Variants in EPB41 observed in about 807,000 individuals in gnomAD.
The protein encoded by EPB41 is erythrocyte membrane protein band 4.1.
A neutral mutation model predicts 108.0 loss-of-function variants in EPB41; 65 were observed. That is an observed-to-expected ratio of 0.60 (90% CI 0.49 to 0.74). EPB41 has a LOEUF of 0.74. EPB41 is among the 30% of genes least tolerant of loss of function. EPB41 has a pLI of 0.00. For missense variants in EPB41, 875 were observed against 1,037.0 expected (o/e 0.84, Z 2.15); for synonymous variants, 336 against 358.9 (o/e 0.94, Z 0.72).
intron 4 of EPB41, among the ~76,000 whole-genome samples, chr1:29,005,544 A>G (rs899958383): frequency 3.3e-5 from 5 of 152,228 alleles, no homozygotes; most frequent in Admixed American, 1.3e-4. Flanking sequence ...ATAAACATTT[A>G]TTATTCAAAT....
At position 29,098,038 on chromosome 1, in the gene EPB41, T is replaced by C. The variant is rs1307198348; in HGVS notation, c.2313+103T>C. On this transcript the variant is annotated intron_variant, in intron 17 of 20. Transcript: ENST00000343067. ...TTTATCGCCAAGAATACCAGGTTTT[T>C]CTGGGGCAGTTCTTTTTAGAAGAGA... 3.3e-6 allele frequency: 5 copies of C among 1,520,792 alleles called. No individual in the cohort carries two copies. The African/African-American group carries it at 6.9e-5, about 21-fold the overall frequency. The allele number at this position is 1,520,792 out of a possible 1,614,324, so 94.2% of individuals were successfully genotyped here.
chr1:28,974,175 T>C (rs1037118477), intron 1 of EPB41, among the ~76,000 whole-genome samples: 2 of 152,208 alleles, frequency 1.3e-5, no homozygotes, highest in African/African-American at 4.8e-5. Context: ...TAAGATGCAA[T>C]ATAAATACTG....
chr1:29,021,742 C>T (rs2096649000), intron 7 of EPB41, among the ~76,000 whole-genome samples: 1 of 152,088 alleles, frequency 6.6e-6, no homozygotes, highest in Non-Finnish European at 1.5e-5. Context: ...GCCACCACGC[C>T]TAGCTAATTT....
At chr1:29,071,365 C>G (rs1004588620) in intron 16 of EPB41, 1 of 152,216 alleles carries the variant, frequency 6.6e-6, no homozygotes, top group Non-Finnish European at 1.5e-5. Context: ...CTGAAATTCT[C>G]AGACTACTCT....
intron 1 of EPB41, among the ~76,000 whole-genome samples, chr1:28,986,758 C>T (rs1396827220): frequency 1.3e-5 from 2 of 151,610 alleles, no homozygotes; most frequent in African/African-American, 4.9e-5. Context: ...AGCAAGACCC[C>T]ATTCTCCACA....
intron 1 of EPB41, chr1:28,889,716 G>T: frequency 1.5e-6 from 1 of 670,562 alleles, no homozygotes; most frequent in Non-Finnish European, 1.8e-6. Flanking sequence ...CTGGGGTGGT[G>T]GGAGTGAGGA....
At chr1:28,931,262 G>A (rs1046295438) in intron 1 of EPB41, among the ~76,000 whole-genome samples, 6 of 151,386 alleles carry the variant, frequency 4.0e-5, no homozygotes, top group African/African-American at 1.5e-4. Flanking sequence ...ATGGGACGTG[G>A]TGGCATGTAC....
chr1:29,016,336 C>G (rs6702588), intron 6 of EPB41, among the ~76,000 whole-genome samples: 8,594 of 146,554 alleles, frequency 0.059, 395 homozygotes, highest in Non-Finnish European at 0.086. Context: ...CCACCACGCC[C>G]TGCTAATTTT....
intron 16 of EPB41, among the ~76,000 whole-genome samples, chr1:29,088,521 G>A (rs1660072962): frequency 6.6e-6 from 1 of 152,198 alleles, no homozygotes; most frequent in Non-Finnish European, 1.5e-5. Context: ...GGCTAATTTG[G>A]TATGTGCAGT....
intron 4 of EPB41, among the ~76,000 whole-genome samples, chr1:29,011,185 C>G (rs2096495391): frequency 6.7e-6 from 1 of 148,424 alleles, no homozygotes. Flanking sequence ...ACATGTTTGG[C>G]AAAACCCCAT....
chr1:28,997,079 G>A, intron 3 of EPB41, 136 bp from the exon 4 acceptor site: 1 of 715,262 alleles, frequency 1.4e-6, no homozygotes. Flanking sequence ...TTGAGCCCAG[G>A]AGGTTGAGGC....
At chr1:28,983,450 C>T (rs903788438) in intron 1 of EPB41, among the ~76,000 whole-genome samples, 1 of 152,036 alleles carries the variant, frequency 6.6e-6, no homozygotes, top group Non-Finnish European at 1.5e-5. Context: ...GCATTGGCAA[C>T]ATCTTATTAG....
chr1:28,976,375 G>C (rs1455535707), intron 1 of EPB41, among the ~76,000 whole-genome samples: 28 of 152,080 alleles, frequency 1.8e-4, no homozygotes, highest in Admixed American at 1.8e-3. Context: ...ATTTTTGAGA[G>C]ATAGGGTTTC....
At chr1:28,923,113 T>G (rs1208831455) in intron 1 of EPB41, among the ~76,000 whole-genome samples, 2 of 137,830 alleles carry the variant, frequency 1.5e-5, no homozygotes, top group Non-Finnish European at 3.1e-5. Context: ...TTTCTTTTCT[T>G]TTTTTTTTTT....
intron 1 of EPB41, among the ~76,000 whole-genome samples, chr1:28,944,980 A>G (rs2094442507): frequency 6.6e-6 from 1 of 151,426 alleles, no homozygotes; most frequent in South Asian, 2.1e-4. Context: ...AGTTCCACCT[A>G]CTTGGGGGTC....
At chr1:28,947,884 AT>A (rs1409695311) in intron 1 of EPB41, among the ~76,000 whole-genome samples, 1 of 152,118 alleles carries the variant, frequency 6.6e-6, no homozygotes, top group Non-Finnish European at 1.5e-5. Context: ...TATTATAGGA[AT>A]TTTATATTAG....
intron 5 of EPB41, 99 bp downstream of exon 5, chr1:29,012,006 G>A (rs1451705890): frequency 1.6e-6 from 2 of 1,253,722 alleles, no homozygotes; most frequent in Admixed American, 1.8e-5. Flanking sequence ...TTAGAATCCT[G>A]ACTACTGCAG....
At chr1:28,994,131 T>C (rs2096097642) in intron 3 of EPB41, among the ~76,000 whole-genome samples, 1 of 152,144 alleles carries the variant, frequency 6.6e-6, no homozygotes, top group Non-Finnish European at 1.5e-5. Flanking sequence ...AGTTATTCAG[T>C]TACTCTTTTT....
intron 7 of EPB41, among the ~76,000 whole-genome samples, chr1:29,028,848 C>T (rs1251632467): frequency 6.6e-6 from 1 of 152,012 alleles, no homozygotes; most frequent in Admixed American, 6.6e-5. Context: ...TCAAGATCAG[C>T]CTGGGCAACA....
Sources: gnomAD v4.1 joint callset for allele counts (sites outside exome capture counted in the v4.1 genomes callset) on GRCh38, gnomAD v4.1.1 for gene constraint, MANE v1.5 for transcripts, NCBI Gene and HGNC (gene_info 2026-07-23, HGNC 2026-07-21) for gene names.